Variants in PCCA observed in about 807,000 individuals in gnomAD.
The protein encoded by PCCA is propionyl-CoA carboxylase alpha chain, mitochondrial.
PCCA carries 74 observed loss-of-function variants against 101.3 expected under a neutral mutation model. The observed-to-expected ratio is 0.73, with a 90% CI of 0.61 to 0.89. PCCA has a LOEUF of 0.89. Among genes scored for constraint, PCCA ranks in the 40% least tolerant of loss-of-function variants. The pLI, the probability that PCCA is intolerant of heterozygous loss-of-function variation, is 0.00. For synonymous variants in PCCA, 294 were observed against 313.6 expected (o/e 0.94, Z 0.66); for missense variants, 891 against 907.0 (o/e 0.98, Z 0.23).
chr13:100,433,813 C>G (rs1595886452), intron 20 of PCCA, among the ~76,000 whole-genome samples: 1 of 152,164 alleles, frequency 6.6e-6, no homozygotes, highest in Non-Finnish European at 1.5e-5. Context: ...TAAGGGTGTC[C>G]ATGGCAGACA....
chr13:100,148,742 C>T (rs1053448852), intron 4 of PCCA, among the ~76,000 whole-genome samples: 1 of 152,076 alleles, frequency 6.6e-6, no homozygotes, highest in East Asian at 1.9e-4. Context: ...GTTTTGGTTC[C>T]GAGATCGATT....
At chr13:100,487,175 C>CAGTATT (rs1260575748) in intron 21 of PCCA, among the ~76,000 whole-genome samples, 1 of 152,096 alleles carries the variant, frequency 6.6e-6, no homozygotes, top group Admixed American at 6.5e-5. Flanking sequence ...GAGGCCTCAG[C>CAGTATT]AGTATTACTG....
rs1288558865 is a variant in PCCA at position 100,151,081 on chromosome 13, C to A, written c.301-3898C>A. On this transcript the variant is annotated intron_variant, in intron 4 of 23. Coordinates refer to ENST00000376285, the MANE Select transcript of PCCA (RefSeq NM_000282.4). ...GCTTTCTCCGTAGCTCCTGGATGTA[C>A]TCGTATGCACCCATCTTGGCTTACC... The A allele has an allele frequency of 1.4e-5, 21 of 1,517,612 alleles. No homozygotes were observed. In the Middle Eastern group the frequency reaches 7.0e-4, roughly 50 times the overall value. 94.0% of individuals were successfully genotyped at this position (1,517,612 alleles called of 1,614,324 possible).
At chr13:100,391,231 T>C (rs951798115) in intron 19 of PCCA, among the ~76,000 whole-genome samples, 11 of 152,184 alleles carry the variant, frequency 7.2e-5, no homozygotes, top group African/African-American at 2.7e-4. Flanking sequence ...TTGGCCAGGA[T>C]AGTCTTGATT....
intron 22 of PCCA, among the ~76,000 whole-genome samples, chr13:100,516,736 C>CAT (rs143753851): frequency 1.4e-5 from 2 of 144,972 alleles, no homozygotes; most frequent in Non-Finnish European, 3.0e-5. Flanking sequence ...AGAAAAATTA[C>CAT]GTGTGTGTGT....
chr13:100,148,299 A>G (rs1268529380), intron 4 of PCCA, among the ~76,000 whole-genome samples: 1 of 152,064 alleles, frequency 6.6e-6, no homozygotes, highest in Non-Finnish European at 1.5e-5. Flanking sequence ...TCTCAAAGGC[A>G]TTTGTTCAAG....
intron 8 of PCCA, among the ~76,000 whole-genome samples, chr13:100,254,998 G>A (rs7328351): frequency 0.96 from 146,693 of 152,036 alleles, 70,998 homozygotes; most frequent in East Asian, 1. Flanking sequence ...AGGTGGGAGG[G>A]TTGCTTGAGT....
intron 11 of PCCA, among the ~76,000 whole-genome samples, chr13:100,272,572 C>T (rs1253996191): frequency 6.6e-6 from 1 of 152,064 alleles, no homozygotes; most frequent in African/African-American, 2.4e-5. Context: ...ATGACACACA[C>T]ACACACACAA....
At chr13:100,255,933 A>G (rs937590092) in intron 8 of PCCA, among the ~76,000 whole-genome samples, 5 of 152,150 alleles carry the variant, frequency 3.3e-5, no homozygotes, top group African/African-American at 1.2e-4. Flanking sequence ...AACTTGTCCT[A>G]TAATCTCCAC....
intron 17 of PCCA, among the ~76,000 whole-genome samples, chr13:100,333,019 A>G (rs1158244518): frequency 1.3e-5 from 2 of 152,128 alleles, no homozygotes; most frequent in Non-Finnish European, 2.9e-5. Context: ...TAAATCACAA[A>G]TGTTTTCAAT....
At chr13:100,333,105 C>T (rs1180857875) in intron 17 of PCCA, among the ~76,000 whole-genome samples, 1 of 152,190 alleles carries the variant, frequency 6.6e-6, no homozygotes, top group East Asian at 1.9e-4. Flanking sequence ...TTCTTAATGT[C>T]TCCCTCTTGT....
chr13:100,403,705 G>A (rs866161165), intron 19 of PCCA, among the ~76,000 whole-genome samples: 48 of 152,152 alleles, frequency 3.2e-4, no homozygotes, highest in African/African-American at 1.2e-3. Flanking sequence ...AGTAAGACAG[G>A]GTTTTATTGG....
intron 6 of PCCA, among the ~76,000 whole-genome samples, chr13:100,185,481 C>T: frequency 6.6e-6 from 1 of 152,034 alleles, no homozygotes; most frequent in Non-Finnish European, 1.5e-5. Context: ...TCCCGGGTAG[C>T]TGGGACCACA....
intron 16 of PCCA, among the ~76,000 whole-genome samples, chr13:100,312,159 T>G (rs1380988959): frequency 2.6e-5 from 4 of 152,206 alleles, no homozygotes; most frequent in Non-Finnish European, 5.9e-5. Context: ...TATCCCTGAT[T>G]TCAAGGAGTT....
chr13:100,336,242 G>A (rs555997229), intron 17 of PCCA, among the ~76,000 whole-genome samples: 3 of 152,268 alleles, frequency 2.0e-5, no homozygotes, highest in Admixed American at 1.3e-4. Context: ...AGCCTGGGCA[G>A]CAAGAGCAAA....
At chr13:100,164,260 A>G (rs2054807582) in intron 6 of PCCA, among the ~76,000 whole-genome samples, 1 of 152,212 alleles carries the variant, frequency 6.6e-6, no homozygotes. Context: ...AACAAAGAGA[A>G]GGTTGAAGGT....
intron 12 of PCCA, among the ~76,000 whole-genome samples, chr13:100,286,713 G>A: frequency 6.7e-6 from 1 of 150,170 alleles, no homozygotes; most frequent in Admixed American, 6.6e-5. Flanking sequence ...AAGCTTCTCT[G>A]GATAAGGTGG....
At chr13:100,204,448 G>C (rs1478623408) in intron 6 of PCCA, among the ~76,000 whole-genome samples, 2 of 152,130 alleles carry the variant, frequency 1.3e-5, no homozygotes, top group Non-Finnish European at 2.9e-5. Context: ...CCCCATGGCT[G>C]TCTTTTTCTT....
At chr13:100,131,314 C>T (rs941476892) in intron 4 of PCCA, among the ~76,000 whole-genome samples, 8 of 152,086 alleles carry the variant, frequency 5.3e-5, no homozygotes, top group African/African-American at 1.9e-4. Context: ...TTCTTCTTGG[C>T]CCCAGTCACA....
Sources: allele counts gnomAD v4.1 joint callset (sites outside exome capture counted in the v4.1 genomes callset), GRCh38; gene constraint gnomAD v4.1.1; transcripts MANE v1.5; gene names NCBI Gene and HGNC (gene_info 2026-07-23, HGNC 2026-07-21).